Variants in KDM4B observed in about 807,000 individuals in gnomAD.
KDM4B encodes the protein lysine-specific demethylase 4B.
A neutral mutation model predicts 125.2 loss-of-function variants in KDM4B; 32 were observed. The ratio of observed to expected loss-of-function variants is 0.26; its 90% CI spans 0.19 to 0.34. KDM4B has a LOEUF of 0.34. Among genes scored for constraint, KDM4B ranks in the 10% least tolerant of loss-of-function variants. KDM4B has a pLI of 1.00. For synonymous variants in KDM4B, 721 were observed against 677.9 expected (o/e 1.06, Z -0.99); for missense variants, 1,190 against 1,577.7 (o/e 0.75, Z 4.16).
At chr19:5,057,078 G>GCT (rs71170889) in intron 6 of KDM4B, among the ~76,000 whole-genome samples, 1 of 151,678 alleles carries the variant, frequency 6.6e-6, no homozygotes, top group Non-Finnish European at 1.5e-5. Flanking sequence ...GCGCGCGCGC[G>GCT]TATGTTAGCA....
At chr19:5,129,458 C>G (rs1435101245) in intron 11 of KDM4B, among the ~76,000 whole-genome samples, 1 of 152,210 alleles carries the variant, frequency 6.6e-6, no homozygotes, top group Non-Finnish European at 1.5e-5. Context: ...GGTTTTATAG[C>G]AAGTGGTGAG....
At chr19:5,150,585 G>A (rs2039929249) in intron 22 of KDM4B, 135 bp downstream of exon 22, 2 of 639,856 alleles carry the variant, frequency 3.1e-6, no homozygotes, top group African/African-American at 1.8e-5. Context: ...GGGGGTCCCG[G>A]CCGCCCCAGC....
intron 5 of KDM4B, among the ~76,000 whole-genome samples, chr19:5,042,500 GA>G (rs536876348): frequency 0.041 from 4,200 of 102,060 alleles, 71 homozygotes; most frequent in African/African-American, 0.056. Context: ...TACGTCACAA[GA>G]AAAAAAAAAA....
At chr19:5,101,770 T>TC (rs1051873416) in intron 9 of KDM4B, among the ~76,000 whole-genome samples, 1 of 151,508 alleles carries the variant, frequency 6.6e-6, no homozygotes, top group African/African-American at 2.4e-5. Flanking sequence ...TCGGTGCTTT[T>TC]CCCGGGGATA....
intron 9 of KDM4B, among the ~76,000 whole-genome samples, chr19:5,097,643 A>G (rs1345958887): frequency 8.5e-5 from 13 of 152,206 alleles, no homozygotes; most frequent in Non-Finnish European, 1.8e-4. Context: ...CAGAGCAGGG[A>G]CCGTAGGATG....
chr19:5,099,713 T>C (rs1334592817), intron 9 of KDM4B, among the ~76,000 whole-genome samples: 4 of 152,184 alleles, frequency 2.6e-5, no homozygotes, highest in Admixed American at 1.3e-4. Context: ...GGTGGCACCC[T>C]CATGGAGGAG....
chr19:5,111,905 C>T, intron 10 of KDM4B: 1 of 737,134 alleles, frequency 1.4e-6, no homozygotes, highest in Non-Finnish European at 2.5e-6. Flanking sequence ...ATCCAGATCT[C>T]ATGATTTTTA....
chr19:5,029,282 C>T (rs951428408), intron 2 of KDM4B, among the ~76,000 whole-genome samples: 46 of 152,330 alleles, frequency 3.0e-4, no homozygotes, highest in South Asian at 6.2e-4. Flanking sequence ...GGCGTGGCGC[C>T]GTTGTGAGCA....
chr19:5,012,016 C>T lies in KDM4B; in HGVS notation c.-108-4241C>T, dbSNP rs572746019. On this transcript the variant is annotated intron_variant, in intron 1 of 22. Coordinates refer to ENST00000159111, the MANE Select transcript of KDM4B (RefSeq NM_015015.3). ...TGCGGGGCAGTGGCTGTTACGTAAT[C>T]GGTAGCTCGTGCTGTTTGGGGGCGT... Among the ~76,000 whole-genome samples the T allele has an allele frequency of 1.1e-4, 17 of 152,310 alleles. No individual in the cohort carries two copies. The East Asian group carries it at 2.9e-3, about 26-fold the overall frequency.
rs567230932 is a variant in KDM4B at position 4,991,780 on chromosome 19, T to C, written c.-109+22550T>C. ...TCTCCCTTCTGTCACCCCCAGGCCC[T>C]GGCGACGGCTGAGGATCTCTGCATC... On this transcript the variant is annotated intron_variant, in intron 1 of 22. Coordinates refer to ENST00000159111, the MANE Select transcript of KDM4B (RefSeq NM_015015.3). 9.8e-5 allele frequency among the ~76,000 whole-genome samples: 15 copies of C among 152,302 alleles called. No homozygotes were observed. The East Asian group carries it at 2.5e-3, about 26-fold the overall frequency.
intron 2 of KDM4B, among the ~76,000 whole-genome samples, chr19:5,025,108 G>A (rs1568236118): frequency 6.6e-6 from 1 of 152,222 alleles, no homozygotes. Flanking sequence ...TTTGTTGTTA[G>A]AGATTTTGAG....
rs1448145767 is a variant in KDM4B at position 5,110,805 on chromosome 19, A to C, written c.1102A>C (p.Lys368Gln). 1.9e-6 allele frequency: 3 copies of C among 1,586,860 alleles called. No individual in the cohort carries two copies. The highest frequency in any genetic ancestry group is 2.6e-6 in the Non-Finnish European group (3 of 1,167,348). The change falls in exon 10 of 23, where the codon AAG becomes CAG. Residue 368 changes from lysine to glutamine, a missense_variant. Physicochemically the swap from Lys to Gln is moderately conservative, Grantham distance 53 (BLOSUM62 1). Around this residue, in one of 7 missense-constraint regions of KDM4B, gnomAD observed 428 missense variants for 405.1 expected, o/e 1.06. Coordinates refer to ENST00000159111, the MANE Select transcript of KDM4B (RefSeq NM_015015.3). ...TGCATCCCGGGCCTCGCTGAAGGCC[A>C]AGCTCCTCCGCAGGTGAGTTGCCAA... ...WSASRASLKA[K>Q]LLRRSHRKRS...
At chr19:5,013,045 C>T (rs2035778915) in intron 1 of KDM4B, among the ~76,000 whole-genome samples, 1 of 152,190 alleles carries the variant, frequency 6.6e-6, no homozygotes, top group Admixed American at 6.5e-5. Context: ...AGAACTGGGG[C>T]CCGGCCTCAG....
Position 4,971,637 on chromosome 19 carries a change from G to A in KDM4B, c.-109+2407G>A, listed in dbSNP as rs960255755. On this transcript the variant is annotated intron_variant, in intron 1 of 22. Coordinates refer to ENST00000159111, the MANE Select transcript of KDM4B (RefSeq NM_015015.3). The surrounding 1 kb of genome is among the most constrained non-coding windows in gnomAD (Gnocchi z 4.1). ...GTTGGGAGGAGTCCCTGGCTCCTGT[G>A]GGTTTAGAGTGTAGTGGGGGAAAGG... 3.9e-5 allele frequency among the ~76,000 whole-genome samples: 6 copies of A among 152,170 alleles called. No individual in the cohort carries two copies. The highest frequency in any genetic ancestry group is 1.4e-4 in the African/African-American group (6 of 41,434).
Position 5,071,076 on chromosome 19 carries a change from A to T in KDM4B, c.676+17A>T. On this transcript the variant is annotated intron_variant, in intron 7 of 22. Coordinates refer to ENST00000159111, the MANE Select transcript of KDM4B (RefSeq NM_015015.3). Reference sequence around the variant, plus strand: ...TGGCCATCGGTAGGTGCCTGCCCTGAGGGCCCCAGGGACCTGGGACCAGGT... The same window carrying T: ...TGGCCATCGGTAGGTGCCTGCCCTGTGGGCCCCAGGGACCTGGGACCAGGT... 6.2e-7 allele frequency: 1 copy of T among 1,611,398 alleles called. No homozygotes were observed. The highest frequency in any genetic ancestry group is 8.5e-7 in the Non-Finnish European group (1 of 1,178,968).
intron 11 of KDM4B, among the ~76,000 whole-genome samples, chr19:5,125,856 G>A (rs2039440335): frequency 1.3e-5 from 2 of 151,804 alleles, no homozygotes; most frequent in East Asian, 3.9e-4. Context: ...GCAGGGGTGG[G>A]CGTTTTCTTG....
intron 9 of KDM4B, among the ~76,000 whole-genome samples, chr19:5,103,691 G>A (rs539030465): frequency 2.6e-5 from 4 of 152,306 alleles, no homozygotes; most frequent in African/African-American, 9.6e-5. Context: ...TCCACCCCAG[G>A]TTTTTCTTAA....
At chr19:5,105,874 A>G (rs1258017889) in intron 9 of KDM4B, among the ~76,000 whole-genome samples, 2 of 152,256 alleles carry the variant, frequency 1.3e-5, no homozygotes, top group Admixed American at 6.5e-5. Flanking sequence ...GGGCCTGGCT[A>G]TGTGCCAATA....
chr19:5,093,249 G>A (rs2038747458), intron 9 of KDM4B, among the ~76,000 whole-genome samples: 1 of 152,188 alleles, frequency 6.6e-6, no homozygotes, highest in African/African-American at 2.4e-5. Flanking sequence ...AACACTGATA[G>A]ACTCGAGGCT....
Sources: allele counts gnomAD v4.1 joint callset (sites outside exome capture counted in the v4.1 genomes callset), GRCh38; gene constraint gnomAD v4.1.1; regional missense constraint gnomAD v4.1.1; non-coding constraint Gnocchi (gnomAD v3.1); transcripts MANE v1.5; gene names NCBI Gene and HGNC (gene_info 2026-07-23, HGNC 2026-07-21).